DCTN2: variants seen among roughly 807,000 people sequenced by gnomAD.
DCTN2 encodes the protein dynactin subunit 2.
A neutral mutation model predicts 55.4 loss-of-function variants in DCTN2; 18 were observed. That is an observed-to-expected ratio of 0.32 (90% CI 0.22 to 0.48). The LOEUF (loss-of-function observed/expected upper bound fraction) is 0.48. DCTN2 is among the 20% of genes least tolerant of loss of function. The probability of loss-of-function intolerance (pLI) is 0.99; values close to 1 mark genes in which losing one functional copy is unlikely to be tolerated. For missense variants in DCTN2, 390 were observed against 491.0 expected (o/e 0.79, Z 1.94); for synonymous variants, 168 against 185.2 (o/e 0.91, Z 0.76).
intron 4 of DCTN2, 83 bp downstream of exon 4, chr12:57,535,401 G>A (rs905113850): frequency 5.2e-6 from 8 of 1,531,492 alleles, no homozygotes; most frequent in Non-Finnish European, 7.2e-6. Context: ...AATCCCGCCT[G>A]TATCCCTTGA....
intron 2 of DCTN2, among the ~76,000 whole-genome samples, chr12:57,541,797 T>C (rs1396684220): frequency 6.6e-6 from 1 of 152,154 alleles, no homozygotes; most frequent in African/African-American, 2.4e-5. Context: ...GGAATTAGTT[T>C]TCCAAACATT....
chr12:57,533,172 T>C, intron 8 of DCTN2, 66 bp downstream of exon 8: 1 of 1,590,122 alleles, frequency 6.3e-7, no homozygotes, highest in South Asian at 1.1e-5. Flanking sequence ...ATGTGGAATG[T>C]TGTAGACCTT....
intron 12 of DCTN2, 23 bp downstream of exon 12, chr12:57,532,190 A>T (rs1879791392): frequency 1.3e-6 from 2 of 1,552,380 alleles, no homozygotes; most frequent in Non-Finnish European, 1.7e-6. Flanking sequence ...TTCTCTTAGC[A>T]CTCCTGGCAG....
chr12:57,535,763 C>A lies in DCTN2; in HGVS notation c.188G>T (p.Gly63Val). 6.2e-7 allele frequency: 1 copy of A among 1,613,784 alleles called. No individual in the cohort carries two copies. The highest frequency in any genetic ancestry group is 2.2e-5 in the East Asian group (1 of 44,888). ...AYDKFKDKRV[G>V]TKGLDFSDRI... ...CCCAGTCTCACCAAGTCCCTTTGTC[C>A]CCACTCTCTTGTCCTTGAACTTGTC... The change falls in exon 3 of 14, where the codon GGG becomes GTG. Residue 63 changes from glycine to valine, a missense_variant. Physicochemically the swap from Gly to Val is moderately radical, Grantham distance 109 (BLOSUM62 -3). Coordinates refer to ENST00000548249, the MANE Select transcript of DCTN2 (RefSeq NM_001261413.2).
chr12:57,536,431 G>A (rs1047296331), intron 2 of DCTN2, among the ~76,000 whole-genome samples: 3 of 152,186 alleles, frequency 2.0e-5, no homozygotes, highest in African/African-American at 4.8e-5. Flanking sequence ...TGAGGCCAGC[G>A]AACTCAGGGA....
intron 2 of DCTN2, among the ~76,000 whole-genome samples, chr12:57,541,524 G>C (rs991656043): frequency 6.6e-6 from 1 of 152,176 alleles, no homozygotes; most frequent in Non-Finnish European, 1.5e-5. Flanking sequence ...CATCTCAGGA[G>C]TGTCCAGTAA....
chr12:57,532,514 A>G, intron 11 of DCTN2, 58 bp downstream of exon 11: 1 of 1,565,892 alleles, frequency 6.4e-7, no homozygotes, highest in Non-Finnish European at 8.8e-7. Context: ...ATGCTTTGAC[A>G]CTGCCACTCG....
chr12:57,544,927 A>G, intron 2 of DCTN2, among the ~76,000 whole-genome samples: 1 of 152,192 alleles, frequency 6.6e-6, no homozygotes, highest in Non-Finnish European at 1.5e-5. Flanking sequence ...GCCAGCAAAT[A>G]CAGAAGCCAC....
At position 57,547,099 on chromosome 12, in the gene DCTN2, G is replaced by A. The variant is rs1271110605; in HGVS notation, c.-36C>T. On this transcript the variant is annotated 5_prime_UTR_variant, in exon 1 of 14. Coordinates refer to ENST00000548249, the MANE Select transcript of DCTN2 (RefSeq NM_001261413.2). ...AGACGGGCTGGGGGACCCGGGCCTC[G>A]GTGGAGCCGGGGCCGGTGTTCGGGT... 2.4e-6 allele frequency: 3 copies of A among 1,256,598 alleles called. No individual in the cohort carries two copies. The highest frequency in any genetic ancestry group is 4.1e-5 in the Admixed American group (1 of 24,282). The allele number at this position is 1,256,598 out of a possible 1,614,324, so 77.8% of individuals were successfully genotyped here.
chr12:57,541,268 A>G (rs1880665930), intron 2 of DCTN2: 1 of 1,488,052 alleles, frequency 6.7e-7, no homozygotes, highest in Non-Finnish European at 9.1e-7. Context: ...CTGGAATTTA[A>G]AACGATTAGC....
At position 57,530,663 on chromosome 12, in the gene DCTN2, C is replaced by T; in HGVS notation, c.*26G>A. 6.3e-7 allele frequency: 1 copy of T among 1,593,774 alleles called. No individual in the cohort carries two copies. The highest frequency in any genetic ancestry group is 8.6e-7 in the Non-Finnish European group (1 of 1,162,396). On this transcript the variant is annotated 3_prime_UTR_variant, in exon 14 of 14. Transcript: ENST00000548249. ...CAGAGTTCACAGGGGTAGGGATAACCCCTGTTCTCCAGCTCCCAAATGTGC... is the reference window on the plus strand; with the variant it reads ...CAGAGTTCACAGGGGTAGGGATAACTCCTGTTCTCCAGCTCCCAAATGTGC...
chr12:57,543,902 G>T, intron 2 of DCTN2: 1 of 1,104,390 alleles, frequency 9.1e-7, no homozygotes, highest in Non-Finnish European at 1.2e-6. Context: ...GGCTGTTCAG[G>T]CTCTGGGGGA....
intron 2 of DCTN2, 71 bp downstream of exon 2, chr12:57,545,957 A>C: frequency 6.6e-7 from 1 of 1,523,498 alleles, no homozygotes; most frequent in Non-Finnish European, 9.1e-7. Flanking sequence ...AGCTCCCCCG[A>C]GAAAGGGAAG....
intron 2 of DCTN2, 103 bp from the exon 3 acceptor site, chr12:57,535,948 G>A (rs1025904851): frequency 2.3e-6 from 2 of 884,212 alleles, no homozygotes; most frequent in Non-Finnish European, 3.6e-6. Flanking sequence ...GGCCCTACTT[G>A]TCCAAGGGGA....
At chr12:57,534,621 TAAA>T in intron 5 of DCTN2, 169 bp from the exon 6 acceptor site, 1 of 593,516 alleles carries the variant, frequency 1.7e-6, no homozygotes, top group East Asian at 3.1e-5. Context: ...TGCATATTTG[TAAA>T]CTCTGGAAAC....
At chr12:57,535,396 C>T (rs1243057737) in intron 4 of DCTN2, 88 bp downstream of exon 4, 21 of 1,516,690 alleles carry the variant, frequency 1.4e-5, no homozygotes, top group African/African-American at 5.5e-5. Context: ...AACAGAATCC[C>T]GCCTGTATCC....
chr12:57,537,759 G>T (rs571507327), intron 2 of DCTN2, among the ~76,000 whole-genome samples: 1 of 152,174 alleles, frequency 6.6e-6, no homozygotes, highest in Non-Finnish European at 1.5e-5. Flanking sequence ...AAGTGCCCGG[G>T]GGGAGAGACA....
Position 57,532,207 on chromosome 12 carries a change from T to C in DCTN2, c.1027+6A>G. On this transcript the variant is annotated splice_donor_region_variant and intron_variant, in intron 12 of 13. Transcript: ENST00000548249. ...CTCTTAGCACTCCTGGCAGCTGGCCTCCCACCTTGCTCGTGCAGCTGCTTG... is the reference window on the plus strand; with the variant it reads ...CTCTTAGCACTCCTGGCAGCTGGCCCCCCACCTTGCTCGTGCAGCTGCTTG... 6.4e-7 allele frequency: 1 copy of C among 1,553,512 alleles called. No individual in the cohort carries two copies. Among genetic ancestry groups the C allele is most frequent in the Non-Finnish European group, 8.7e-7 (1 of 1,147,966 alleles).
At position 57,530,713 on chromosome 12, in the gene DCTN2, TTCA is replaced by T. The variant is rs1395722997; in HGVS notation, c.1179_1181del (p.Asp393del). On this transcript the variant is annotated inframe_deletion, in exon 14 of 14. Coordinates refer to ENST00000548249, the MANE Select transcript of DCTN2 (RefSeq NM_001261413.2). Reference sequence around the variant, plus strand: ...CTCACTTTCCCAGCTTCTTCATCCGTTCATCAATGCTGGCAAAGTTCCCCTCAA... The same window carrying T: ...CTCACTTTCCCAGCTTCTTCATCCGTTCAATGCTGGCAAAGTTCCCCTCAA... The T allele has an allele frequency of 6.2e-7, 1 of 1,613,902 alleles. No homozygotes were observed. The highest frequency in any genetic ancestry group is 1.1e-5 in the South Asian group (1 of 91,066).
Sources: allele counts gnomAD v4.1 joint callset (sites outside exome capture counted in the v4.1 genomes callset), GRCh38; gene constraint gnomAD v4.1.1; transcripts MANE v1.5; gene names NCBI Gene and HGNC (gene_info 2026-07-23, HGNC 2026-07-21).